The following PCDHGA10 variants were observed in gnomAD, a reference collection of about 807,000 sequenced individuals.
PCDHGA10 encodes the protein protocadherin gamma subfamily A, 10.
A neutral mutation model predicts 59.5 loss-of-function variants in PCDHGA10; 42 were observed. That is an observed-to-expected ratio of 0.71 (90% CI 0.55 to 0.91). The LOEUF (loss-of-function observed/expected upper bound fraction) is 0.91. Ranked by LOEUF, PCDHGA10 falls within the 40% of genes least tolerant of loss-of-function variation. The pLI, the probability that PCDHGA10 is intolerant of heterozygous loss-of-function variation, is 0.00. For missense variants in PCDHGA10, 1,111 were observed against 1,198.2 expected (o/e 0.93, Z 1.07); for synonymous variants, 511 against 517.2 (o/e 0.99, Z 0.16).
chr5:141,473,262 G>T (rs905961411), intron 1 of PCDHGA10, among the ~76,000 whole-genome samples: 2 of 152,188 alleles, frequency 1.3e-5, no homozygotes, highest in Admixed American at 6.5e-5. Flanking sequence ...AGTCCTTAGT[G>T]TATGCTATGA....
Position 141,478,120 on chromosome 5 carries a change from G to A in PCDHGA10, c.2437-16687G>A, listed in dbSNP as rs772548778. 3.1e-6 allele frequency: 5 copies of A among 1,613,948 alleles called. No homozygotes were observed. In the Admixed American group the frequency reaches 6.7e-5, roughly 22 times the overall value. ...CTACCCTCACTGTGTCAGTAACCGA[G>A]GACTCTCCTGAAGCCCGAGCCGAGT... On this transcript the variant is annotated intron_variant, in intron 1 of 3. Coordinates refer to ENST00000398610, the MANE Select transcript of PCDHGA10 (RefSeq NM_018913.3).
chr5:141,461,347 G>C (rs2154567331), intron 1 of PCDHGA10, among the ~76,000 whole-genome samples: 1 of 152,242 alleles, frequency 6.6e-6, no homozygotes, highest in Admixed American at 6.5e-5. Flanking sequence ...GGACCAAGGT[G>C]GTAGCTCGTT....
rs575250872 is a variant in PCDHGA10, at chr5:141,490,163, T to C, written c.2437-4644T>C. ...GGGGCAATCCATGTGTTGGGTCCCA[T>C]AGACTTTGAGGAGTCACGTTTCTAT... On this transcript the variant is annotated intron_variant, in intron 1 of 3. Transcript: ENST00000398610. This position sits in a 1 kb window ranked among gnomAD's most constrained non-coding sequence, Gnocchi z 5.4. 2 of 1,614,234 alleles carry C rather than the reference T, an allele frequency of 1.2e-6. No homozygotes were observed. The highest frequency in any genetic ancestry group is 2.2e-5 in the East Asian group (1 of 44,886).
At position 141,454,796 on chromosome 5, in the gene PCDHGA10, A is replaced by ATTTTTTTTTTTTTTTTTTTT. The variant is rs61612330; in HGVS notation, c.2436+39195_2436+39214dup. Among the ~76,000 whole-genome samples, 20 of 77,456 alleles carry ATTTTTTTTTTTTTTTTTTTT rather than the reference A, an allele frequency of 2.6e-4. 2 individuals carry two copies. Among genetic ancestry groups the ATTTTTTTTTTTTTTTTTTTT allele is most frequent in the South Asian group, 5.1e-4 (1 of 1,960 alleles). The allele number at this position is 77,456 out of a possible 152,430, so 50.8% of individuals were successfully genotyped here. On this transcript the variant is annotated intron_variant, in intron 1 of 3. Transcript: ENST00000398610. Reference sequence around the variant, plus strand: ...AAGGAAATAATCCTCCATGGTTCTAATTTTTTTTTTTTTTTTTTTTTTTTT... The same window carrying ATTTTTTTTTTTTTTTTTTTT: ...AAGGAAATAATCCTCCATGGTTCTAATTTTTTTTTTTTTTTTTTTTTTTTTTTTTTTTTTTTTTTTTTTTT...
Position 141,477,771 on chromosome 5 carries a change from G to A in PCDHGA10, c.2437-17036G>A. 1 of 1,613,992 alleles carries A rather than the reference G, an allele frequency of 6.2e-7. No homozygotes were observed. The highest frequency in any genetic ancestry group is 1.3e-5 in the African/African-American group (1 of 75,054). ...ACCCCGGTCCTAGCCACCAACATCA[G>A]CGTGAACATATTTGTCACTGATCGC... On this transcript the variant is annotated intron_variant, in intron 1 of 3. Transcript: ENST00000398610. This position sits in a 1 kb window ranked among gnomAD's most constrained non-coding sequence, Gnocchi z 4.9.
intron 1 of PCDHGA10, among the ~76,000 whole-genome samples, chr5:141,443,858 T>C (rs1325927807): frequency 6.6e-6 from 1 of 152,162 alleles, no homozygotes; most frequent in Non-Finnish European, 1.5e-5. Context: ...GTCTGAAAAC[T>C]GAAAAAATTA....
chr5:141,443,018 A>G (rs2098358800), intron 1 of PCDHGA10, among the ~76,000 whole-genome samples: 1 of 152,208 alleles, frequency 6.6e-6, no homozygotes, highest in Admixed American at 6.5e-5. Flanking sequence ...TGACTAATGG[A>G]AGTTGCCAGA....
intron 1 of PCDHGA10, chr5:141,421,585 G>A: frequency 1.2e-6 from 2 of 1,613,916 alleles, no homozygotes; most frequent in Non-Finnish European, 1.7e-6. Context: ...GATTTACGGA[G>A]TGGAGGTGGA....
At chr5:141,415,738 AGGTTTT>A in intron 1 of PCDHGA10, 127 bp downstream of exon 1, 1 of 538,082 alleles carries the variant, frequency 1.9e-6, no homozygotes, top group South Asian at 3.9e-5. Flanking sequence ...ATGTTTATTA[AGGTTTT>A]TTTTTTTTTT....
At position 141,511,519 on chromosome 5, in the gene PCDHGA10, C is replaced by A; in HGVS notation, c.*346C>A. On this transcript the variant is annotated 3_prime_UTR_variant, in exon 4 of 4. Transcript: ENST00000398610. ...CCAAATCAATCAGGCCCATCCATCC[C>A]ATGCCTCCCTCCTCCCCACCCCACT... 2.7e-6 allele frequency: 1 copy of A among 367,516 alleles called. No individual in the cohort carries two copies. The highest frequency in any genetic ancestry group is 2.7e-5 in the South Asian group (1 of 36,848). 22.8% of individuals were successfully genotyped at this position (367,516 alleles called of 1,614,324 possible). A position where few individuals can be genotyped will look rare whatever the true frequency, so the allele number is the denominator to read the frequency against.
chr5:141,441,789 A>G (rs889545483), intron 1 of PCDHGA10: 4 of 391,886 alleles, frequency 1.0e-5, no homozygotes, highest in Middle Eastern at 6.4e-4. Context: ...CCTGAATGAC[A>G]ACGCACCGCG....
chr5:141,503,912 A>AAC (rs34419983), intron 2 of PCDHGA10, among the ~76,000 whole-genome samples: 3 of 152,280 alleles, frequency 2.0e-5, no homozygotes, highest in East Asian at 3.9e-4. Context: ...CACACAACGC[A>AAC]ACACACACAC....
intron 1 of PCDHGA10, chr5:141,478,910 A>C (rs568573298): frequency 1.1e-6 from 1 of 893,688 alleles, no homozygotes; most frequent in Non-Finnish European, 1.6e-6. Context: ...AAGCTGCTGG[A>C]TACCTCTAAC....
chr5:141,463,438 CTTTTTTTTTTTTTTT>C (rs71576115), intron 1 of PCDHGA10, among the ~76,000 whole-genome samples: 7 of 103,256 alleles, frequency 6.8e-5, no homozygotes, highest in African/African-American at 3.1e-4. Flanking sequence ...TTTCCTTCTC[CTTTTTTTTTTTTTTT>C]TTTTTTTTTT....
chr5:141,444,915 T>C (rs1262912255), intron 1 of PCDHGA10, among the ~76,000 whole-genome samples: 1 of 152,174 alleles, frequency 6.6e-6, no homozygotes, highest in East Asian at 1.9e-4. Flanking sequence ...TCTATACCTT[T>C]ATCAGGGAAA....
Position 141,413,224 on chromosome 5 carries a change from C to G in PCDHGA10, c.49C>G (p.Leu17Val). The G allele has an allele frequency of 6.2e-7, 1 of 1,613,790 alleles. No homozygotes were observed. The highest frequency in any genetic ancestry group is 8.5e-7 in the Non-Finnish European group (1 of 1,179,780). The change falls in exon 1 of 4, where the codon CTG (leucine) becomes GTG (valine). Residue 17 changes from leucine to valine, a missense_variant. Transcript: ENST00000398610. ...AAAGGAATCAAAGGATTGCAGCGGGCTGGTCCTGCTCTGCCTTTTCTTCGG... is the reference window on the plus strand; with the variant it reads ...AAAGGAATCAAAGGATTGCAGCGGGGTGGTCCTGCTCTGCCTTTTCTTCGG... The part of the protein sequence containing the change: ...RSKESKDCSG[L>V]VLLCLFFGIP...
intron 1 of PCDHGA10, among the ~76,000 whole-genome samples, chr5:141,450,782 C>G (rs1012152203): frequency 6.6e-6 from 1 of 151,236 alleles, no homozygotes; most frequent in Non-Finnish European, 1.5e-5. Context: ...CCACCGTGCC[C>G]GGACCTCATG....
At chr5:141,424,092 C>G (rs1160250641) in intron 1 of PCDHGA10, 2 of 879,256 alleles carry the variant, frequency 2.3e-6, no homozygotes, top group Non-Finnish European at 2.8e-6. Context: ...CCATTATTTG[C>G]TATTACTGCT....
At position 141,490,359 on chromosome 5, in the gene PCDHGA10, T is replaced by A; in HGVS notation, c.2437-4448T>A. On this transcript the variant is annotated intron_variant, in intron 1 of 3. Coordinates refer to ENST00000398610, the MANE Select transcript of PCDHGA10 (RefSeq NM_018913.3). The surrounding 1 kb of genome is among the most constrained non-coding windows in gnomAD (Gnocchi z 5.4). ...TGGGCACAGTAGTGGGGTTGTTTAA[T>A]GTGCGAGACCGGGACTCAGGTAGAA... 6.2e-7 allele frequency: 1 copy of A among 1,614,212 alleles called. No individual in the cohort carries two copies. The highest frequency in any genetic ancestry group is 8.5e-7 in the Non-Finnish European group (1 of 1,180,036).
Sources: gnomAD v4.1 joint callset for allele counts (sites outside exome capture counted in the v4.1 genomes callset) on GRCh38, gnomAD v4.1.1 for gene constraint, Gnocchi (gnomAD v3.1) non-coding constraint, MANE v1.5 for transcripts, NCBI Gene and HGNC (gene_info 2026-07-23, HGNC 2026-07-21) for gene names.